Variants in EPHB1 observed in about 807,000 individuals in gnomAD.
The protein encoded by EPHB1 is EPH receptor B1.
Under a neutral mutation model 94.4 loss-of-function variants are expected in EPHB1, and 30 were observed. The ratio of observed to expected loss-of-function variants is 0.32; its 90% CI spans 0.24 to 0.43. The LOEUF (loss-of-function observed/expected upper bound fraction) is 0.43, where lower values mean the gene tolerates loss of function less well. Among genes scored for constraint, EPHB1 ranks in the 20% least tolerant of loss-of-function variants. The pLI is 1.00. For missense variants in EPHB1, 1,055 were observed against 1,308.3 expected (o/e 0.81, Z 2.99); for synonymous variants, 522 against 489.1 (o/e 1.07, Z -0.89).
At chr3:135,179,112 C>T (rs967741299) in intron 9 of EPHB1, among the ~76,000 whole-genome samples, 6 of 152,176 alleles carry the variant, frequency 3.9e-5, no homozygotes, top group Middle Eastern at 6.8e-3. Flanking sequence ...TTTATCTTGC[C>T]ACCGTATATA....
intron 3 of EPHB1, among the ~76,000 whole-genome samples, chr3:135,002,449 G>T (rs1374174339): frequency 6.6e-6 from 1 of 152,144 alleles, no homozygotes; most frequent in Non-Finnish European, 1.5e-5. Context: ...CCCGGCTTTG[G>T]TATCAGAATG....
chr3:134,873,972 C>T (rs900376637), intron 1 of EPHB1, among the ~76,000 whole-genome samples: 1 of 151,890 alleles, frequency 6.6e-6, no homozygotes, highest in African/African-American at 2.4e-5. Context: ...TTCTCCTCTC[C>T]ACAAAAATGT....
intron 3 of EPHB1, among the ~76,000 whole-genome samples, chr3:135,048,148 G>A (rs1030415621): frequency 6.6e-6 from 1 of 151,714 alleles, no homozygotes; most frequent in African/African-American, 2.4e-5. Context: ...TGGAGGTGCT[G>A]GGAAGGAGGA....
chr3:134,976,474 A>G (rs1206109269), intron 3 of EPHB1, among the ~76,000 whole-genome samples: 1 of 152,226 alleles, frequency 6.6e-6, no homozygotes, highest in East Asian at 1.9e-4. Flanking sequence ...ACTTTCTAAT[A>G]TCATCAAAGA....
intron 12 of EPHB1, among the ~76,000 whole-genome samples, chr3:135,220,582 T>G (rs1274599991): frequency 2.7e-5 from 4 of 150,512 alleles, no homozygotes. Context: ...AGCTCTTTCC[T>G]TTGTTGGAGG....
intron 1 of EPHB1, among the ~76,000 whole-genome samples, chr3:134,912,272 C>A (rs2038470680): frequency 6.6e-6 from 1 of 152,218 alleles, no homozygotes; most frequent in African/African-American, 2.4e-5. Context: ...GCCATTGGCG[C>A]AAACTCATTG....
intron 3 of EPHB1, among the ~76,000 whole-genome samples, chr3:134,979,820 A>G (rs1335728834): frequency 6.6e-6 from 1 of 151,674 alleles, no homozygotes; most frequent in Non-Finnish European, 1.5e-5. Context: ...AAATGGAAAC[A>G]AGAGTGCTTG....
chr3:135,192,929 A>G (rs556609160), intron 11 of EPHB1, 106 bp downstream of exon 11: 3 of 1,403,816 alleles, frequency 2.1e-6, no homozygotes, highest in African/African-American at 2.8e-5. Context: ...CGCCTGATCC[A>G]GTGTGAATGG....
intron 1 of EPHB1, among the ~76,000 whole-genome samples, chr3:134,879,792 G>T (rs2037691290): frequency 6.6e-6 from 1 of 152,100 alleles, no homozygotes. Flanking sequence ...TCAAAACCTA[G>T]CCTGATGCCA....
intron 1 of EPHB1, among the ~76,000 whole-genome samples, chr3:134,879,101 G>A (rs2037676189): frequency 6.6e-6 from 1 of 152,146 alleles, no homozygotes. Flanking sequence ...AGTGGTGCCT[G>A]ACTCCCTTCC....
chr3:134,923,784 C>G (rs1394088365), intron 1 of EPHB1, among the ~76,000 whole-genome samples: 1 of 152,090 alleles, frequency 6.6e-6, no homozygotes, highest in African/African-American at 2.4e-5. Context: ...CATAGTGGGC[C>G]CAAGATTTTG....
At chr3:135,170,184 G>A (rs1218874801) in intron 9 of EPHB1, among the ~76,000 whole-genome samples, 1 of 152,196 alleles carries the variant, frequency 6.6e-6, no homozygotes, top group African/African-American at 2.4e-5. Context: ...ACACTACAGA[G>A]AGGCTGGCAG....
chr3:135,167,141 C>A, intron 9 of EPHB1, 135 bp downstream of exon 9: 1 of 995,776 alleles, frequency 1.0e-6, no homozygotes, highest in Non-Finnish European at 1.5e-6. Context: ...AGTGCCTTGG[C>A]CACCTTTCTG....
chr3:134,846,679 C>T (rs530685072), intron 1 of EPHB1, among the ~76,000 whole-genome samples: 3 of 152,142 alleles, frequency 2.0e-5, no homozygotes, highest in East Asian at 1.9e-4. Context: ...AAGCCTTGCT[C>T]ACCTTTGCAG....
chr3:134,887,216 T>A (rs746763766), intron 1 of EPHB1, among the ~76,000 whole-genome samples: 2 of 152,212 alleles, frequency 1.3e-5, no homozygotes, highest in Non-Finnish European at 2.9e-5. Context: ...CGCTGGCTGT[T>A]GGCTGGGGCC....
intron 3 of EPHB1, among the ~76,000 whole-genome samples, chr3:135,032,759 A>C (rs1426069612): frequency 6.6e-6 from 1 of 152,156 alleles, no homozygotes; most frequent in Non-Finnish European, 1.5e-5. Context: ...TAATCACTGA[A>C]TTTTATTTAT....
chr3:134,844,209 C>T lies in EPHB1; in HGVS notation c.58+48520C>T, dbSNP rs193279118. On this transcript the variant is annotated intron_variant, in intron 1 of 15. Coordinates refer to ENST00000398015, the MANE Select transcript of EPHB1 (RefSeq NM_004441.5). ...CTTCTTAGAGGTCTGTGTGGGTTAA[C>T]GGTCTGCCAATGATTAGACAGAGGT... Among the ~76,000 whole-genome samples the T allele has an allele frequency of 9.9e-5, 15 of 152,254 alleles. No homozygotes were observed. In the East Asian group the frequency reaches 1.5e-3, roughly 16 times the overall value.
intron 15 of EPHB1, among the ~76,000 whole-genome samples, chr3:135,255,715 C>T (rs943816231): frequency 1.3e-5 from 2 of 151,142 alleles, no homozygotes; most frequent in Admixed American, 6.6e-5. Flanking sequence ...GTGGAGAGTT[C>T]TGTAGATGTC....
At chr3:134,843,355 T>C (rs1261656287) in intron 1 of EPHB1, among the ~76,000 whole-genome samples, 1 of 152,226 alleles carries the variant, frequency 6.6e-6, no homozygotes, top group Admixed American at 6.5e-5. Flanking sequence ...TGTATCTAGT[T>C]GGGAATCTCC....
Sources: gnomAD v4.1 joint callset for allele counts (sites outside exome capture counted in the v4.1 genomes callset) on GRCh38, gnomAD v4.1.1 for gene constraint, MANE v1.5 for transcripts, NCBI Gene and HGNC (gene_info 2026-07-23, HGNC 2026-07-21) for gene names.